The following EBF4 variants were observed in gnomAD, a reference collection of about 807,000 sequenced individuals.
The protein encoded by EBF4 is transcription factor COE4.
A neutral mutation model predicts 67.1 loss-of-function variants in EBF4; 34 were observed. The ratio of observed to expected loss-of-function variants is 0.51; its 90% CI spans 0.39 to 0.67. The LOEUF (loss-of-function observed/expected upper bound fraction) is 0.67. Among genes scored for constraint, EBF4 ranks in the 30% least tolerant of loss-of-function variants. EBF4 has a pLI of 0.00. For synonymous variants in EBF4, 387 were observed against 377.7 expected (o/e 1.02, Z -0.29); for missense variants, 837 against 873.3 (o/e 0.96, Z 0.52).
intron 6 of EBF4, among the ~76,000 whole-genome samples, chr20:2,723,496 G>A (rs910716435): frequency 2.0e-5 from 3 of 151,248 alleles, no homozygotes; most frequent in Non-Finnish European, 4.4e-5. Context: ...GACTACAGGC[G>A]CCGCCACCAC....
At position 2,756,169 on chromosome 20, in the gene EBF4, C is replaced by T. The variant is rs1376922471; in HGVS notation, c.1738+345C>T. Among the ~76,000 whole-genome samples, 1 of 152,230 alleles carries T rather than the reference C, an allele frequency of 6.6e-6. No individual in the cohort carries two copies. The highest frequency in any genetic ancestry group is 1.5e-5 in the Non-Finnish European group (1 of 68,044). ...AGCAAAGACCCTCAGAGCTGGTGGG[C>T]TGCACGCCTGTACCTGTGCCTCCCT... On this transcript the variant is annotated intron_variant, in intron 15 of 16. Transcript: ENST00000609451. This position sits in a 1 kb window ranked among gnomAD's most constrained non-coding sequence, Gnocchi z 4.5.
chr20:2,744,415 C>T (rs1220002425), intron 6 of EBF4, among the ~76,000 whole-genome samples: 3 of 151,498 alleles, frequency 2.0e-5, no homozygotes, highest in African/African-American at 7.3e-5. Flanking sequence ...AAGCATTGTC[C>T]GATATTAATA....
intron 1 of EBF4, among the ~76,000 whole-genome samples, chr20:2,701,211 G>GT (rs2087370402): frequency 3.3e-5 from 5 of 152,234 alleles, no homozygotes; most frequent in Admixed American, 3.3e-4. Context: ...CCGTGCTGGG[G>GT]AAGTGCAGGA....
chr20:2,710,781 T>G (rs928975398), intron 6 of EBF4, among the ~76,000 whole-genome samples: 1 of 152,198 alleles, frequency 6.6e-6, no homozygotes, highest in African/African-American at 2.4e-5. Flanking sequence ...CTTCCTGAGA[T>G]AGTCTGTGCA....
chr20:2,710,268 C>T (rs1353644308), intron 6 of EBF4, among the ~76,000 whole-genome samples: 2 of 152,132 alleles, frequency 1.3e-5, no homozygotes, highest in Admixed American at 6.5e-5. Flanking sequence ...CCCACCTCAG[C>T]CTCCCAGGTA....
intron 6 of EBF4, among the ~76,000 whole-genome samples, chr20:2,716,529 CAAA>C (rs60033313): frequency 3.7e-5 from 4 of 107,712 alleles, no homozygotes; most frequent in African/African-American, 6.0e-5. Flanking sequence ...AACTCCGTCT[CAAA>C]AAAAAAAAAA....
upstream of EBF4, among the ~76,000 whole-genome samples, chr20:2,693,312 G>C (rs1483979393): frequency 1.3e-5 from 2 of 149,930 alleles, no homozygotes; most frequent in Non-Finnish European, 3.0e-5. This position sits in a 1 kb window ranked among gnomAD's most constrained non-coding sequence, Gnocchi z 4.6. Context: ...AGCCGCCAGA[G>C]CGCGCCTCTG....
rs888212337 is a variant in EBF4 at position 2,755,843 on chromosome 20, C to T, written c.1738+19C>T. On this transcript the variant is annotated intron_variant, in intron 15 of 16. Transcript: ENST00000609451. The surrounding 1 kb of genome is among the most constrained non-coding windows in gnomAD (Gnocchi z 4.7). Reference sequence around the variant, plus strand: ...CTTCCAGGTGAGTGATCCACCCTGCCTCACTGTGGCAGGAAGGAAGGGCCC... The same window carrying T: ...CTTCCAGGTGAGTGATCCACCCTGCTTCACTGTGGCAGGAAGGAAGGGCCC... 3 of 1,541,480 alleles carry T rather than the reference C, an allele frequency of 1.9e-6. No individual in the cohort carries two copies. The highest frequency in any genetic ancestry group is 3.9e-5 in the Admixed American group (2 of 50,768).
At chr20:2,752,595 G>C in intron 14 of EBF4, 50 bp downstream of exon 14, 1 of 1,212,792 alleles carries the variant, frequency 8.2e-7, no homozygotes, top group African/African-American at 1.6e-5. Flanking sequence ...GGAGCGGAAC[G>C]GGACTCAGCC....
At chr20:2,728,165 C>G (rs2087768820) in intron 6 of EBF4, among the ~76,000 whole-genome samples, 1 of 152,210 alleles carries the variant, frequency 6.6e-6, no homozygotes, top group African/African-American at 2.4e-5. Flanking sequence ...AGGGTGCAAA[C>G]AAAAGCAGCT....
In EBF4 at chr20:2,751,228, G is replaced by A. The variant is rs1031047815; in HGVS notation, c.1019-472G>A. Among the ~76,000 whole-genome samples the A allele has an allele frequency of 1.3e-5, 2 of 152,156 alleles. No homozygotes were observed. Among genetic ancestry groups the A allele is most frequent in the African/African-American group, 4.8e-5 (2 of 41,432 alleles). ...CCCACTTCTCCAGTTGCTTCCCTGG[G>A]GTGCATGCAAACCTCTAGCCTTCAG... On this transcript the variant is annotated intron_variant, in intron 10 of 16. Transcript: ENST00000609451. The surrounding 1 kb of genome is among the most constrained non-coding windows in gnomAD (Gnocchi z 5.2).
rs1184145469 is a variant in EBF4 at position 2,715,742 on chromosome 20, C to CTTAT, written c.557+6119_557+6122dup. 1.8e-3 allele frequency among the ~76,000 whole-genome samples: 273 copies of CTTAT among 152,088 alleles called. 1 individual carries two copies. The highest frequency in any genetic ancestry group is 2.5e-3 in the Non-Finnish European group (169 of 67,974). ...AGTTGAACATCTTTTAATTTGTTGG[C>CTTAT]TTATTTATTTATTTATTTATTTTTG... is the stretch of plus-strand genomic sequence containing the variant. On this transcript the variant is annotated intron_variant, in intron 6 of 16. Coordinates refer to ENST00000609451, the Ensembl canonical transcript of EBF4.
At chr20:2,699,545 C>A (rs2146368150) in intron 1 of EBF4, among the ~76,000 whole-genome samples, 1 of 152,316 alleles carries the variant, frequency 6.6e-6, no homozygotes, top group South Asian at 2.1e-4. Context: ...TGTCCCACTG[C>A]CTCAGGACAC....
intron 6 of EBF4, among the ~76,000 whole-genome samples, chr20:2,710,081 G>C (rs2087521139): frequency 6.6e-6 from 1 of 152,166 alleles, no homozygotes; most frequent in Non-Finnish European, 1.5e-5. Flanking sequence ...GGAAAGAGCT[G>C]GCAGGTTTCA....
In EBF4 at chr20:2,694,291, G is replaced by T. The variant is rs2087256465; in HGVS notation, c.137+509G>T. 2.6e-5 allele frequency among the ~76,000 whole-genome samples: 4 copies of T among 152,328 alleles called. No individual in the cohort carries two copies. The South Asian group carries it at 6.2e-4, about 24-fold the overall frequency. On this transcript the variant is annotated intron_variant, in intron 1 of 16. Coordinates refer to ENST00000609451, the Ensembl canonical transcript of EBF4. ...AGAAGCGGCTGGGGGCTGGACGGTG[G>T]CGAAGAGATGAGGTGGGCAGTCGGC...
upstream of EBF4, chr20:2,693,249 G>T: frequency 6.4e-6 from 1 of 156,294 alleles, no homozygotes; most frequent in East Asian, 1.9e-4. This position sits in a 1 kb window ranked among gnomAD's most constrained non-coding sequence, Gnocchi z 4.6. Flanking sequence ...CGCCTTGCCC[G>T]AGGCAGCTCC....
At position 2,727,881 on chromosome 20, in the gene EBF4, G is replaced by A. The variant is rs149338598; in HGVS notation, c.557+18239G>A. Reference sequence around the variant, plus strand: ...TTTGGAGAAATGTTCATTGAGATCCGTTGCCTATTTTTAAATTGGATTATT... The same window carrying A: ...TTTGGAGAAATGTTCATTGAGATCCATTGCCTATTTTTAAATTGGATTATT... On this transcript the variant is annotated intron_variant, in intron 6 of 16. Transcript: ENST00000609451. 9.2e-4 allele frequency among the ~76,000 whole-genome samples: 140 copies of A among 152,224 alleles called. 1 individual carries two copies. Among genetic ancestry groups the A allele is most frequent in the African/African-American group, 3.1e-3 (129 of 41,540 alleles).
At chr20:2,722,046 G>T (rs904087798) in intron 6 of EBF4, among the ~76,000 whole-genome samples, 2 of 152,072 alleles carry the variant, frequency 1.3e-5, no homozygotes, top group Non-Finnish European at 2.9e-5. Context: ...GTCTTTTTGA[G>T]CCTTGGTCTT....
chr20:2,699,313 T>C (rs1341428956), intron 1 of EBF4, among the ~76,000 whole-genome samples: 2 of 152,216 alleles, frequency 1.3e-5, no homozygotes, highest in African/African-American at 2.4e-5. Context: ...TTCCCAACAG[T>C]GCTCAGGAAG....
Sources: gnomAD v4.1 joint callset for allele counts (sites outside exome capture counted in the v4.1 genomes callset) on GRCh38, gnomAD v4.1.1 for gene constraint, Gnocchi (gnomAD v3.1) non-coding constraint, MANE v1.5 for transcripts, NCBI Gene and HGNC (gene_info 2026-07-23, HGNC 2026-07-21) for gene names.